Variants in SVEP1 observed in about 807,000 individuals in gnomAD.
The protein encoded by SVEP1 is sushi, von Willebrand factor type A, EGF and pentraxin domain containing 1.
Under a neutral mutation model 367.3 loss-of-function variants are expected in SVEP1, and 164 were observed. That is an observed-to-expected ratio of 0.45 (90% confidence interval 0.39 to 0.51). SVEP1 has a LOEUF of 0.51. SVEP1 is among the 20% of genes least tolerant of loss of function. The probability of loss-of-function intolerance (pLI) is 0.00; values close to 1 mark genes in which losing one functional copy is unlikely to be tolerated. For synonymous variants in SVEP1, 1,666 were observed against 1,611.6 expected (o/e 1.03, Z -0.81); for missense variants, 4,117 against 4,425.3 (o/e 0.93, Z 1.98).
intron 37 of SVEP1, among the ~76,000 whole-genome samples, chr9:110,409,552 G>A (rs1016607733): frequency 5.9e-5 from 9 of 152,186 alleles, no homozygotes; most frequent in Non-Finnish European, 1.3e-4. Flanking sequence ...GTGAACTGAT[G>A]AGGCAACGCT....
chr9:110,464,649 C>A (rs1449575707), intron 18 of SVEP1, among the ~76,000 whole-genome samples: 3 of 152,124 alleles, frequency 2.0e-5, no homozygotes, highest in African/African-American at 7.2e-5. Flanking sequence ...AAGTAGGGAA[C>A]CAGTAGGTTG....
intron 1 of SVEP1, among the ~76,000 whole-genome samples, chr9:110,569,413 G>A (rs1170886120): frequency 4.9e-5 from 7 of 142,536 alleles, no homozygotes; most frequent in Admixed American, 3.7e-4. Flanking sequence ...CCGAGATTGC[G>A]CCATTGCATT....
intron 12 of SVEP1, among the ~76,000 whole-genome samples, chr9:110,480,195 T>C (rs1044773266): frequency 2.0e-5 from 3 of 152,196 alleles, no homozygotes; most frequent in Non-Finnish European, 4.4e-5. Context: ...TCCTTGAAAG[T>C]GTAATTGTCA....
intron 3 of SVEP1, among the ~76,000 whole-genome samples, chr9:110,531,292 A>G (rs528387895): frequency 4.7e-4 from 72 of 152,200 alleles, no homozygotes; most frequent in African/African-American, 1.7e-3. Context: ...GTAAACCTCA[A>G]GTTTTATTGG....
At chr9:110,555,138 G>C (rs1480310484) in intron 1 of SVEP1, among the ~76,000 whole-genome samples, 1 of 151,256 alleles carries the variant, frequency 6.6e-6, no homozygotes, top group Admixed American at 6.6e-5. Context: ...TTTGATTACT[G>C]CTTCTTCTAC....
rs894769524 is a variant in SVEP1 at position 110,579,610 on chromosome 9, G to C, written c.-67C>G. ...GCTCGGGCGGGAAGAGGCGCTGGGC[G>C]GCCGGACTCGCAGAGGGGCGTGCGC... On this transcript the variant is annotated 5_prime_UTR_variant, in exon 1 of 48. Transcript: ENST00000374469. This position sits in a 1 kb window ranked among gnomAD's most constrained non-coding sequence, Gnocchi z 5.3. 1 of 1,460,618 alleles carries C rather than the reference G, an allele frequency of 6.8e-7. No individual in the cohort carries two copies. The highest frequency in any genetic ancestry group is 9.0e-7 in the Non-Finnish European group (1 of 1,113,482). 90.5% of individuals were successfully genotyped at this position (1,460,618 alleles called of 1,614,324 possible).
chr9:110,369,736 T>A (rs1827249448), intron 47 of SVEP1, 187 bp downstream of exon 47: 1 of 580,370 alleles, frequency 1.7e-6, no homozygotes, highest in African/African-American at 1.9e-5. Flanking sequence ...GTTTTGTCAA[T>A]CCTGAACTAA....
intron 13 of SVEP1, among the ~76,000 whole-genome samples, chr9:110,477,848 C>G (rs1198780984): frequency 6.6e-6 from 1 of 152,172 alleles, no homozygotes; most frequent in Non-Finnish European, 1.5e-5. Context: ...CCTATGTGGT[C>G]TTCTTACTCT....
chr9:110,404,131 CTTAGT>C (rs570058728), intron 39 of SVEP1, among the ~76,000 whole-genome samples, 191 bp downstream of exon 39: 14 of 152,240 alleles, frequency 9.2e-5, no homozygotes, highest in East Asian at 5.8e-4. Flanking sequence ...CTGGCACTTT[CTTAGT>C]TTAAAGTGGG....
intron 40 of SVEP1, among the ~76,000 whole-genome samples, chr9:110,399,578 G>C (rs1360081757): frequency 6.6e-6 from 1 of 152,092 alleles, no homozygotes; most frequent in Non-Finnish European, 1.5e-5. Flanking sequence ...CTGTCACCCA[G>C]GCTGGAGTGC....
chr9:110,403,808 T>A (rs1043925172), intron 39 of SVEP1, among the ~76,000 whole-genome samples: 5 of 152,088 alleles, frequency 3.3e-5, no homozygotes, highest in Non-Finnish European at 5.9e-5. Flanking sequence ...CCTCCATTAT[T>A]TATCTCATTT....
chr9:110,387,346 C>T lies in SVEP1; in HGVS notation c.9999G>A (p.Gly3333=), dbSNP rs201533942. The T allele has an allele frequency of 3.7e-5, 59 of 1,613,014 alleles. No individual in the cohort carries two copies. The Middle Eastern group carries it at 9.9e-4, about 27-fold the overall frequency. The change falls in exon 42 of 48, where the codon GGG becomes GGA. Residue 3333 remains glycine, a synonymous_variant. Coordinates refer to ENST00000374469, the MANE Select transcript of SVEP1 (RefSeq NM_153366.4). ...YSCNRGYSLE[G]PSEAHCTENG... The stretch of plus-strand genomic sequence containing the variant: ...TTTCTGTGCAGTGTGCCTCAGATGG[C>T]CCTTCAAGACTGTAGCCTCTGTTGC...
chr9:110,479,718 T>G lies in SVEP1; in HGVS notation c.2404A>C (p.Met802Leu), dbSNP rs780245891. The G allele has an allele frequency of 3.1e-6, 5 of 1,610,194 alleles. No individual in the cohort carries two copies. In the African/African-American group the frequency reaches 5.4e-5, roughly 17 times the overall value. ...FANHGFKSFE[M>L]FYKAARCDDT... Reference sequence around the variant, plus strand: ...TCACAACGAGCTGCTTTGTAGAACATCTCAAAGGACTTGAACCCGTGGTTT... The same window carrying G: ...TCACAACGAGCTGCTTTGTAGAACAGCTCAAAGGACTTGAACCCGTGGTTT... The change falls in exon 13 of 48, where the codon ATG (methionine) becomes CTG (leucine). Residue 802 changes from methionine (M) to leucine (L), a missense_variant. By Grantham distance (15) the Met-to-Leu change is conservative. Transcript: ENST00000374469.
chr9:110,427,969 TAAC>T (rs1269154001), intron 35 of SVEP1, among the ~76,000 whole-genome samples: 2 of 152,200 alleles, frequency 1.3e-5, no homozygotes, highest in Non-Finnish European at 2.9e-5. Context: ...GAAAACAATA[TAAC>T]AACAGTAATC....
intron 3 of SVEP1, among the ~76,000 whole-genome samples, chr9:110,528,520 T>A (rs1829975044): frequency 6.6e-6 from 1 of 152,022 alleles, no homozygotes; most frequent in African/African-American, 2.4e-5. Flanking sequence ...TAAACTGGTG[T>A]CTCATTGTGG....
At chr9:110,399,880 T>G (rs577765999) in intron 40 of SVEP1, among the ~76,000 whole-genome samples, 8 of 151,984 alleles carry the variant, frequency 5.3e-5, no homozygotes, top group Non-Finnish European at 8.8e-5. Flanking sequence ...TAAAAAAGAG[T>G]TTCCTGAATA....
intron 3 of SVEP1, among the ~76,000 whole-genome samples, chr9:110,543,074 T>C (rs1330830426): frequency 2.6e-5 from 4 of 151,802 alleles, no homozygotes; most frequent in Non-Finnish European, 1.5e-5. Context: ...TCTGCCTTTC[T>C]GAAAGGAGAG....
intron 30 of SVEP1, among the ~76,000 whole-genome samples, chr9:110,433,364 CAAAAAAAAA>C (rs10611877): frequency 8.7e-5 from 7 of 80,480 alleles, no homozygotes; most frequent in African/African-American, 1.1e-4. Context: ...GTAGATAGGC[CAAAAAAAAA>C]AAAAAAAAAA....
At chr9:110,395,241 C>G (rs954453585) in intron 40 of SVEP1, among the ~76,000 whole-genome samples, 3 of 152,160 alleles carry the variant, frequency 2.0e-5, no homozygotes, top group African/African-American at 7.2e-5. Context: ...AATTTCATAT[C>G]CAGCCAAACT....
Sources: gnomAD v4.1 joint callset for allele counts (sites outside exome capture counted in the v4.1 genomes callset) on GRCh38, gnomAD v4.1.1 for gene constraint, Gnocchi (gnomAD v3.1) non-coding constraint, MANE v1.5 for transcripts, NCBI Gene and HGNC (gene_info 2026-07-23, HGNC 2026-07-21) for gene names.